MASTL: variants seen among roughly 807,000 people sequenced by gnomAD.
MASTL encodes microtubule associated serine/threonine kinase like, also known as serine/threonine-protein kinase greatwall.
In MASTL, 54 loss-of-function variants were observed where a neutral mutation model predicts 82.5. The ratio of observed to expected loss-of-function variants is 0.65; its 90% CI spans 0.53 to 0.82. The LOEUF (loss-of-function observed/expected upper bound fraction) is 0.82, where lower values mean the gene tolerates loss of function less well. MASTL is among the 40% of genes least tolerant of loss of function. The probability of loss-of-function intolerance (pLI) is 0.00; values close to 1 mark genes in which losing one functional copy is unlikely to be tolerated. For synonymous variants in MASTL, 323 were observed against 368.9 expected (o/e 0.88, Z 1.43); for missense variants, 950 against 1,047.8 (o/e 0.91, Z 1.29).
In MASTL at chr10:27,173,158, C is replaced by T; in HGVS notation, c.2165C>T (p.Thr722Ile). 7.4e-6 allele frequency: 12 copies of T among 1,614,132 alleles called. No homozygotes were observed. Among genetic ancestry groups the T allele is most frequent in the Non-Finnish European group, 1.0e-5 (12 of 1,180,026 alleles). ...NQIKSGTPYRTPKSVRRGVAP... is the reference protein window; with the variant it reads ...NQIKSGTPYRIPKSVRRGVAP... Reference sequence around the variant, plus strand: ...ATCAAGTCGGGAACTCCATACCGAACTCCGAAGAGTGTGAGAAGAGGGGTG... The same window carrying T: ...ATCAAGTCGGGAACTCCATACCGAATTCCGAAGAGTGTGAGAAGAGGGGTG... Residue 722 changes from threonine to isoleucine, a missense_variant, in exon 9 of 12, where the codon ACT (threonine) becomes ATT (isoleucine). Transcript: ENST00000375940.
At chr10:27,158,907 TAGAG>T (rs1389720227) in intron 2 of MASTL, among the ~76,000 whole-genome samples, 10 of 152,170 alleles carry the variant, frequency 6.6e-5, no homozygotes, top group Non-Finnish European at 1.0e-4. Flanking sequence ...TATATGTACA[TAGAG>T]AGACAGGCCA....
At chr10:27,165,582 C>T (rs1274698278) in intron 6 of MASTL, 43 bp downstream of exon 6, 2 of 1,585,456 alleles carry the variant, frequency 1.3e-6, no homozygotes, top group Non-Finnish European at 1.7e-6. Context: ...GAGGCTTACA[C>T]CTGTAATACT....
At chr10:27,183,469 G>C (rs1015285948) in intron 11 of MASTL, among the ~76,000 whole-genome samples, 8 of 152,040 alleles carry the variant, frequency 5.3e-5, no homozygotes, top group African/African-American at 1.7e-4. Context: ...TTTTTTAGTA[G>C]AGATGGGGTT....
intron 4 of MASTL, among the ~76,000 whole-genome samples, chr10:27,161,432 C>A (rs758196226): frequency 1.9e-4 from 29 of 151,798 alleles, no homozygotes; most frequent in Non-Finnish European, 3.5e-4. Flanking sequence ...TCACTTGAAC[C>A]CAGGAGATGG....
At position 27,185,310 on chromosome 10, in the gene MASTL, C is replaced by T. The variant is rs2058622970; in HGVS notation, c.2483-1069C>T. ...CAAGGAGCAGAAAGTAGGCCACACT[C>T]TCTTCCCCTGAGTCAGGGATTCTTT... is the stretch of plus-strand genomic sequence containing the variant. On this transcript the variant is annotated intron_variant, in intron 11 of 11. Transcript: ENST00000375940. 2.0e-5 allele frequency among the ~76,000 whole-genome samples: 3 copies of T among 152,254 alleles called. 1 individual carries two copies. The highest frequency in any genetic ancestry group is 2.4e-5 in the African/African-American group (1 of 41,560).
intron 8 of MASTL, among the ~76,000 whole-genome samples, chr10:27,172,526 T>A (rs554022398): frequency 1.3e-5 from 2 of 152,196 alleles, no homozygotes; most frequent in East Asian, 3.9e-4. Context: ...TGGTGGTGTA[T>A]GCCTGTAATC....
chr10:27,174,247 C>T (rs2058034578), intron 9 of MASTL, among the ~76,000 whole-genome samples: 1 of 151,724 alleles, frequency 6.6e-6, no homozygotes. Context: ...TCCAGCTATT[C>T]GGGAGGCTGG....
At chr10:27,177,771 T>C (rs999561951) in intron 9 of MASTL, 32 of 898,752 alleles carry the variant, frequency 3.6e-5, no homozygotes, top group Non-Finnish European at 4.0e-5. Flanking sequence ...TTTAATACAG[T>C]GTACCTAACT....
In MASTL at chr10:27,186,575, A is replaced by G; in HGVS notation, c.*39A>G. 1 of 1,539,924 alleles carries G rather than the reference A, an allele frequency of 6.5e-7. No individual in the cohort carries two copies. The highest frequency in any genetic ancestry group is 1.1e-5 in the South Asian group (1 of 89,722). On this transcript the variant is annotated 3_prime_UTR_variant, in exon 12 of 12. Transcript: ENST00000375940. ...CTTTTAGTCTAGCCTTGTGTTATAG[A>G]ATGAACTTGCATAATTATATACTCC...
At chr10:27,156,228 G>A (rs1170887762) in intron 1 of MASTL, among the ~76,000 whole-genome samples, 1 of 152,082 alleles carries the variant, frequency 6.6e-6, no homozygotes, top group African/African-American at 2.4e-5. Context: ...GTTTCACCGT[G>A]TTAGCCAGGA....
chr10:27,175,812 T>G (rs1273479356), intron 9 of MASTL, among the ~76,000 whole-genome samples: 12 of 152,070 alleles, frequency 7.9e-5, no homozygotes, highest in Non-Finnish European at 1.8e-4. Context: ...ACTGGACTTG[T>G]GGGGCCTGGT....
At chr10:27,176,985 C>T (rs1049636809) in intron 9 of MASTL, among the ~76,000 whole-genome samples, 14 of 151,884 alleles carry the variant, frequency 9.2e-5, no homozygotes, top group Admixed American at 7.2e-4. Flanking sequence ...GCTGGGTTTA[C>T]AGGCACCTGC....
rs112823061 is a variant in MASTL at position 27,163,121 on chromosome 10, T to G, written c.553+1939T>G. Among the ~76,000 whole-genome samples the G allele has an allele frequency of 8.0e-3, 1,221 of 152,238 alleles. 17 individuals are homozygous for G. Among genetic ancestry groups the G allele is most frequent in the African/African-American group, 0.028 (1,149 of 41,534 alleles). On this transcript the variant is annotated intron_variant, in intron 4 of 11. Transcript: ENST00000375940. Reference sequence around the variant, plus strand: ...TAGTAGAGACACAGTTTCACCATGTTGGCCAGGCTGGTCTCGAGCTCCTGA... The same window carrying G: ...TAGTAGAGACACAGTTTCACCATGTGGGCCAGGCTGGTCTCGAGCTCCTGA...
chr10:27,160,311 A>T (rs1361845937), intron 3 of MASTL, among the ~76,000 whole-genome samples: 1 of 151,884 alleles, frequency 6.6e-6, no homozygotes, highest in Non-Finnish European at 1.5e-5. Flanking sequence ...ATGGCATTTT[A>T]TGTGAAGAGT....
chr10:27,176,066 C>T (rs1016780088), intron 9 of MASTL, among the ~76,000 whole-genome samples: 12 of 149,796 alleles, frequency 8.0e-5, no homozygotes. Context: ...CACTGCACTC[C>T]AGCCTGGGTG....
chr10:27,183,615 T>C (rs957043225), intron 11 of MASTL, among the ~76,000 whole-genome samples: 9 of 152,126 alleles, frequency 5.9e-5, no homozygotes, highest in African/African-American at 1.9e-4. Context: ...CGTCCCAAAA[T>C]GCATTTCTTT....
chr10:27,174,307 A>G (rs7910367), intron 9 of MASTL, among the ~76,000 whole-genome samples: 91,438 of 151,654 alleles, frequency 0.6, 27,866 homozygotes, highest in Non-Finnish European at 0.65. Context: ...GTGAGCCAAG[A>G]TCGTGCCACT....
chr10:27,181,924 A>T (rs1195613851), intron 11 of MASTL, among the ~76,000 whole-genome samples: 1 of 151,774 alleles, frequency 6.6e-6, no homozygotes, highest in African/African-American at 2.4e-5. Flanking sequence ...AAATACAAAA[A>T]AGTAGGCAGG....
intron 7 of MASTL, among the ~76,000 whole-genome samples, chr10:27,167,815 CTTAACTTACATA>C (rs1452138277): frequency 1.3e-5 from 2 of 152,058 alleles, no homozygotes; most frequent in Non-Finnish European, 2.9e-5. Context: ...AGTCACTTTA[CTTAACTTACATA>C]TTGTTTTTGC....
Sources: gnomAD v4.1 joint callset for allele counts (sites outside exome capture counted in the v4.1 genomes callset) on GRCh38, gnomAD v4.1.1 for gene constraint, MANE v1.5 for transcripts, NCBI Gene and HGNC (gene_info 2026-07-23, HGNC 2026-07-21) for gene names.